ADH1A: variants seen among roughly 807,000 people sequenced by gnomAD.
ADH1A encodes alcohol dehydrogenase 1A.
In ADH1A, 29 loss-of-function variants were observed where a neutral mutation model predicts 35.2. The observed-to-expected ratio is 0.82, with a 90% CI of 0.61 to 1.12. The LOEUF is 1.12. Ranked by LOEUF, ADH1A falls within the 50% of genes most tolerant of loss-of-function variation. The pLI is 0.00. For missense variants in ADH1A, 469 were observed against 464.7 expected, an observed-to-expected ratio of 1.01 and a Z score of -0.09; for synonymous variants, 147 against 164.8, an observed-to-expected ratio of 0.89 and a Z score of 0.83.
In ADH1A at chr4:99,289,605, A is replaced by T. The variant is rs1353025445; in HGVS notation, c.18+1292T>A. Among the ~76,000 whole-genome samples, 3 of 152,206 alleles carry T rather than the reference A, an allele frequency of 2.0e-5. No individual in the cohort carries two copies. The East Asian group carries it at 5.8e-4, about 29-fold the overall frequency. On this transcript the variant is annotated intron_variant, in intron 1 of 8. Transcript: ENST00000209668. The stretch of plus-strand genomic sequence containing the variant: ...ATTATCACAACACAACTACTTTATG[A>T]AATAGATGTTAGTATTGTCACTATT...
intron 5 of ADH1A, among the ~76,000 whole-genome samples, 177 bp downstream of exon 5, chr4:99,284,222 C>T (rs140391788): frequency 1.5e-3 from 228 of 152,308 alleles, no homozygotes; most frequent in Middle Eastern, 0.01. Flanking sequence ...ACTTTTTAAT[C>T]TGATAAACAG....
chr4:99,287,313 C>T (rs1733176859), intron 2 of ADH1A, among the ~76,000 whole-genome samples: 1 of 152,038 alleles, frequency 6.6e-6, no homozygotes, highest in Admixed American at 6.5e-5. Flanking sequence ...ATATCTAATG[C>T]TAATTGATTT....
chr4:99,289,046 C>A (rs1733226959), intron 1 of ADH1A, among the ~76,000 whole-genome samples: 1 of 152,082 alleles, frequency 6.6e-6, no homozygotes, highest in African/African-American at 2.4e-5. Context: ...CTAACTCTCT[C>A]TTATAAATGA....
At chr4:99,285,384 C>T (rs985954227) in intron 3 of ADH1A, among the ~76,000 whole-genome samples, 2 of 151,978 alleles carry the variant, frequency 1.3e-5, no homozygotes, top group African/African-American at 2.4e-5. Context: ...TCCAGAAATT[C>T]CTCTGGAAAT....
At chr4:99,288,152 G>A (rs1024704730) in intron 1 of ADH1A, among the ~76,000 whole-genome samples, 15 of 152,172 alleles carry the variant, frequency 9.9e-5, no homozygotes, top group African/African-American at 2.9e-4. Context: ...TGCCTGGGAT[G>A]ACATCTCTTT....
intron 6 of ADH1A, 151 bp from the exon 7 acceptor site, chr4:99,280,430 G>A (rs761190247): frequency 5.4e-5 from 71 of 1,310,934 alleles, no homozygotes; most frequent in Non-Finnish European, 6.9e-5. Flanking sequence ...TTTTTTGCAC[G>A]GGATAGTGCT....
intron 8 of ADH1A, among the ~76,000 whole-genome samples, chr4:99,277,414 T>C (rs1455519451): frequency 6.6e-6 from 1 of 152,078 alleles, no homozygotes; most frequent in Non-Finnish European, 1.5e-5. Context: ...TGAATAAATA[T>C]TTTTAGAAAA....
chr4:99,284,839 T>C (rs753401165), intron 3 of ADH1A, 36 bp from the exon 4 acceptor site: 2 of 1,575,610 alleles, frequency 1.3e-6, no homozygotes, highest in Non-Finnish European at 1.7e-6. Flanking sequence ...TTACAATTTC[T>C]ATCCAGGTAT....
chr4:99,289,278 C>G (rs1174442774), intron 1 of ADH1A, among the ~76,000 whole-genome samples: 1 of 152,114 alleles, frequency 6.6e-6, no homozygotes, highest in African/African-American at 2.4e-5. Flanking sequence ...CTATAAACAA[C>G]ATGCATTATT....
chr4:99,279,432 C>T lies in ADH1A; in HGVS notation c.1097G>A (p.Gly366Glu). ...INEGFDLLHS[G>E]KSIRTILMF ...AACTAACTAAAAAATCTACCTTTTC[C>T]CAGAGTGAAGCAGGTCAAATCCTTC... Residue 366 changes from glycine to glutamate, a missense_variant, in exon 8 of 9, where the codon GGG becomes GAG. Coordinates refer to ENST00000209668, the MANE Select transcript of ADH1A (RefSeq NM_000667.4). The T allele has an allele frequency of 1.9e-6, 3 of 1,590,914 alleles. No individual in the cohort carries two copies. The highest frequency in any genetic ancestry group is 1.7e-6 in the Non-Finnish European group (2 of 1,173,592).
chr4:99,280,122 G>T (rs1579489047), intron 7 of ADH1A, 22 bp downstream of exon 7: 1 of 1,613,560 alleles, frequency 6.2e-7, no homozygotes, highest in Non-Finnish European at 8.5e-7. Context: ...TGAGAATTTG[G>T]CTCTGAAGCC....
chr4:99,285,486 T>C (rs1733124487), intron 3 of ADH1A, among the ~76,000 whole-genome samples: 1 of 152,212 alleles, frequency 6.6e-6, no homozygotes, highest in Non-Finnish European at 1.5e-5. Context: ...CTACTTTTCC[T>C]GTTACAGTGG....
intron 8 of ADH1A, among the ~76,000 whole-genome samples, chr4:99,278,215 TATG>T (rs1031422483): frequency 1.2e-4 from 18 of 152,162 alleles, no homozygotes; most frequent in African/African-American, 2.6e-4. Flanking sequence ...TTTTCAATCC[TATG>T]ATGATGATGA....
chr4:99,279,732 TA>T (rs560729722), intron 7 of ADH1A, among the ~76,000 whole-genome samples, 168 bp from the exon 8 acceptor site: 18 of 151,626 alleles, frequency 1.2e-4, no homozygotes, highest in East Asian at 5.8e-4. Flanking sequence ...GGCTCAGACT[TA>T]AAAAAAAATC....
intron 8 of ADH1A, among the ~76,000 whole-genome samples, chr4:99,277,484 T>G (rs1383074148): frequency 6.6e-6 from 1 of 152,034 alleles, no homozygotes; most frequent in African/African-American, 2.4e-5. Context: ...CATATGCATA[T>G]ATAAGAAAAA....
chr4:99,287,716 C>A (rs2110611790), intron 1 of ADH1A, 51 bp from the exon 2 acceptor site: 2 of 1,593,448 alleles, frequency 1.3e-6, no homozygotes, highest in East Asian at 2.2e-5. Context: ...CGCTTGCAGT[C>A]AGATATTGTG....
chr4:99,276,770 C>T (rs2110600661), intron 8 of ADH1A, 122 bp from the exon 9 acceptor site: 3 of 907,194 alleles, frequency 3.3e-6, no homozygotes, highest in Non-Finnish European at 5.4e-6. Context: ...AATCCCACCC[C>T]CATGCATTCG....
At chr4:99,284,280 ATTCTT>A in intron 5 of ADH1A, 114 bp downstream of exon 5, 1 of 1,089,972 alleles carries the variant, frequency 9.2e-7, no homozygotes, top group Non-Finnish European at 1.4e-6. Flanking sequence ...TTGTGTTTCT[ATTCTT>A]AGTCGACATT....
chr4:99,286,690 G>A, intron 3 of ADH1A, 160 bp downstream of exon 3: 1 of 1,231,984 alleles, frequency 8.1e-7, no homozygotes, highest in South Asian at 1.5e-5. Flanking sequence ...ATACATGCTT[G>A]AGTCAGGCAG....
Sources: gnomAD v4.1 joint callset for allele counts (sites outside exome capture counted in the v4.1 genomes callset) on GRCh38, gnomAD v4.1.1 for gene constraint, MANE v1.5 for transcripts, NCBI Gene and HGNC (gene_info 2026-07-23, HGNC 2026-07-21) for gene names.